ELP4: variants seen among roughly 807,000 people sequenced by gnomAD.
ELP4 encodes the protein elongator complex protein 4.
Under a neutral mutation model 48.9 loss-of-function variants are expected in ELP4, and 51 were observed. That is an observed-to-expected ratio of 1.04 (90% CI 0.83 to 1.32). The LOEUF is 1.32. Among genes scored for constraint, ELP4 ranks in the 40% most tolerant of loss-of-function variants. The pLI is 0.00. For synonymous variants in ELP4, 210 were observed against 189.2 expected, an observed-to-expected ratio of 1.11 and a Z score of -0.90; for missense variants, 519 against 514.6, an observed-to-expected ratio of 1.01 and a Z score of -0.08.
At chr11:31,535,559 T>A (rs2133900144) in intron 2 of ELP4, among the ~76,000 whole-genome samples, 1 of 152,258 alleles carries the variant, frequency 6.6e-6, no homozygotes, top group African/African-American at 2.4e-5. Context: ...TGCTCAGGCT[T>A]GTCTCAAACT....
intron 5 of ELP4, among the ~76,000 whole-genome samples, chr11:31,626,457 T>C (rs1057510395): frequency 5.9e-5 from 9 of 151,838 alleles, no homozygotes; most frequent in African/African-American, 2.2e-4. Context: ...TTACTGAAGA[T>C]TCTTTGGGAT....
intron 3 of ELP4, among the ~76,000 whole-genome samples, chr11:31,558,361 A>G (rs535405193): frequency 2.0e-5 from 3 of 152,278 alleles, no homozygotes; most frequent in African/African-American, 7.2e-5. Flanking sequence ...AAAAATTAAA[A>G]TGTACAGGAG....
chr11:31,657,219 G>A (rs1266678610), intron 9 of ELP4, among the ~76,000 whole-genome samples: 5 of 152,006 alleles, frequency 3.3e-5, no homozygotes, highest in African/African-American at 1.2e-4. Context: ...CCTTTGCACA[G>A]CAAATGTTCA....
At chr11:31,624,941 A>G (rs1944706352) in intron 5 of ELP4, among the ~76,000 whole-genome samples, 2 of 151,548 alleles carry the variant, frequency 1.3e-5, no homozygotes, top group South Asian at 2.1e-4. Flanking sequence ...ACACACATAT[A>G]GTTGTCATCT....
chr11:31,518,216 C>T (rs958321493), intron 1 of ELP4, among the ~76,000 whole-genome samples: 13 of 151,358 alleles, frequency 8.6e-5, no homozygotes, highest in Admixed American at 5.9e-4. Flanking sequence ...AAGCGATTCT[C>T]CTGCCTCAGC....
intron 7 of ELP4, among the ~76,000 whole-genome samples, chr11:31,636,836 C>A (rs867840214): frequency 1.3e-5 from 2 of 151,724 alleles, no homozygotes; most frequent in African/African-American, 4.8e-5. Context: ...AAAATAAATT[C>A]TAAATATCTG....
At chr11:31,566,370 A>C (rs573786487) in intron 3 of ELP4, among the ~76,000 whole-genome samples, 1 of 152,100 alleles carries the variant, frequency 6.6e-6, no homozygotes, top group Non-Finnish European at 1.5e-5. Context: ...AAAAAAAAAA[A>C]GATTCATTCT....
chr11:31,738,250 A>G (rs1231214440), intron 9 of ELP4, among the ~76,000 whole-genome samples: 1 of 148,196 alleles, frequency 6.7e-6, no homozygotes, highest in Non-Finnish European at 1.5e-5. Context: ...AAAAAAAAAA[A>G]AAAAAAATTA....
At chr11:31,697,860 A>G (rs369026016) in intron 9 of ELP4, among the ~76,000 whole-genome samples, 6 of 152,154 alleles carry the variant, frequency 3.9e-5, no homozygotes, top group East Asian at 3.8e-4. Context: ...TGAAGAAGAG[A>G]ATTGTCTCAT....
intron 9 of ELP4, among the ~76,000 whole-genome samples, chr11:31,702,321 CAATAACAATAAT>C (rs1049999263): frequency 1.5e-3 from 12 of 7,898 alleles, no homozygotes; most frequent in South Asian, 0.012. Flanking sequence ...ATAATAATAA[CAATAACAATAAT>C]AATAATAATA....
At chr11:31,733,427 A>G (rs1223408524) in intron 9 of ELP4, among the ~76,000 whole-genome samples, 1 of 149,408 alleles carries the variant, frequency 6.7e-6, no homozygotes, top group Non-Finnish European at 1.5e-5. Flanking sequence ...CAGTGAGCCA[A>G]GATCACGCCA....
intron 9 of ELP4, among the ~76,000 whole-genome samples, chr11:31,726,310 T>C (rs1323228849): frequency 6.6e-6 from 1 of 152,050 alleles, no homozygotes; most frequent in Non-Finnish European, 1.5e-5. Flanking sequence ...TTGGGGAAGT[T>C]CACTGTTAGA....
rs56921821 is a variant in ELP4 at position 31,553,725 on chromosome 11, AACACACACAC to A, written c.381+13973_381+13982del. 1.6e-3 allele frequency among the ~76,000 whole-genome samples: 218 copies of A among 140,500 alleles called. 3 individuals carry two copies. Among genetic ancestry groups the A allele is most frequent in the African/African-American group, 5.1e-3 (191 of 37,532 alleles). 92.2% of individuals were successfully genotyped at this position (140,500 alleles called of 152,430 possible). A position where few individuals can be genotyped will look rare whatever the true frequency, so the allele number is the denominator to read the frequency against. On this transcript the variant is annotated intron_variant, in intron 3 of 9. Coordinates refer to ENST00000640961, the MANE Select transcript of ELP4 (RefSeq NM_019040.5). ...TACAATAAATCTCTTTGCACACACA[AACACACACAC>A]ACACACACACACACACACACACACA...
intron 3 of ELP4, among the ~76,000 whole-genome samples, chr11:31,560,199 A>T (rs1008213868): frequency 9.2e-5 from 14 of 152,074 alleles, no homozygotes; most frequent in Non-Finnish European, 1.9e-4. Context: ...CCTCATTCCT[A>T]ATTTAGGTGT....
At chr11:31,560,702 A>AAAACAACGTTGTTTTATATATATATT in intron 3 of ELP4, among the ~76,000 whole-genome samples, 1 of 147,888 alleles carries the variant, frequency 6.8e-6, no homozygotes, top group South Asian at 2.1e-4. Context: ...ATATATATAT[A>AAAACAACGTTGTTTTATATATATATT]AAACAACGTT....
chr11:31,782,370 T>C (rs532963189), intron 9 of ELP4, among the ~76,000 whole-genome samples: 3 of 152,272 alleles, frequency 2.0e-5, no homozygotes, highest in East Asian at 1.9e-4. Context: ...AGCTAGGTTG[T>C]CTCCAGGTCA....
intron 5 of ELP4, among the ~76,000 whole-genome samples, chr11:31,617,243 A>G (rs1157827480): frequency 1.3e-5 from 2 of 152,146 alleles, no homozygotes; most frequent in Non-Finnish European, 2.9e-5. Context: ...TGATGGAAAT[A>G]CATATTTCAT....
chr11:31,621,522 T>TA (rs748113470), intron 5 of ELP4, among the ~76,000 whole-genome samples: 10 of 152,010 alleles, frequency 6.6e-5, no homozygotes, highest in Non-Finnish European at 1.2e-4. Context: ...ACAGAAAATT[T>TA]AAACAATTTA....
chr11:31,608,408 A>C (rs1957914836), intron 5 of ELP4, among the ~76,000 whole-genome samples: 1 of 152,110 alleles, frequency 6.6e-6, no homozygotes, highest in Admixed American at 6.6e-5. Flanking sequence ...CGGCGTGAGC[A>C]GAGCTTGTTT....
Sources: allele counts gnomAD v4.1 joint callset (sites outside exome capture counted in the v4.1 genomes callset), GRCh38; gene constraint gnomAD v4.1.1; transcripts MANE v1.5; gene names NCBI Gene and HGNC (gene_info 2026-07-23, HGNC 2026-07-21).